Variants in HERC2 observed in about 807,000 individuals in gnomAD.
HERC2 encodes the protein HECT and RLD domain containing E3 ubiquitin protein ligase 2.
HERC2 carries 102 observed loss-of-function variants against 537.7 expected under a neutral mutation model. That is an observed-to-expected ratio of 0.19 (90% CI 0.16 to 0.22). The LOEUF is 0.22. Ranked by LOEUF, HERC2 falls within the 10% of genes least tolerant of loss-of-function variation. HERC2 has a pLI of 1.00. For synonymous variants in HERC2, 2,224 were observed against 2,466.2 expected (o/e 0.90, Z 2.91); for missense variants, 4,236 against 6,198.2 (o/e 0.68, Z 10.63).
chr15:28,193,942 T>C (rs902962488), intron 52 of HERC2, among the ~76,000 whole-genome samples: 1 of 151,962 alleles, frequency 6.6e-6, no homozygotes, highest in African/African-American at 2.4e-5. Flanking sequence ...AGAAAAACAG[T>C]ATAGATGGAA....
chr15:28,161,145 T>C (rs1313349767), intron 69 of HERC2, among the ~76,000 whole-genome samples: 1 of 152,220 alleles, frequency 6.6e-6, no homozygotes, highest in Non-Finnish European at 1.5e-5. Flanking sequence ...TCAACTCTAC[T>C]TAAGTACTTT....
intron 35 of HERC2, among the ~76,000 whole-genome samples, chr15:28,227,308 G>C (rs1446784922): frequency 6.6e-6 from 1 of 151,830 alleles, no homozygotes; most frequent in Admixed American, 6.6e-5. Context: ...AAGAGAAAGG[G>C]ACTTGAATAG....
At chr15:28,202,313 A>G in intron 46 of HERC2, 34 bp downstream of exon 46, 1 of 1,613,220 alleles carries the variant, frequency 6.2e-7, no homozygotes, top group Non-Finnish European at 8.5e-7. Flanking sequence ...GGGAACCCAC[A>G]CATACACAAG....
chr15:28,231,110 T>C (rs559905953), intron 30 of HERC2, among the ~76,000 whole-genome samples: 1 of 152,324 alleles, frequency 6.6e-6, no homozygotes, highest in East Asian at 1.9e-4. Context: ...CACTGCGATA[T>C]GTGGAATTTC....
intron 72 of HERC2, among the ~76,000 whole-genome samples, chr15:28,144,438 A>G (rs1027175566): frequency 6.6e-6 from 1 of 152,198 alleles, no homozygotes; most frequent in Non-Finnish European, 1.5e-5. Flanking sequence ...TAAGAACTGC[A>G]CCAGCAACAA....
intron 70 of HERC2, among the ~76,000 whole-genome samples, chr15:28,150,672 G>A (rs557284262): frequency 3.7e-5 from 5 of 135,754 alleles, no homozygotes; most frequent in African/African-American, 8.5e-5. Context: ...CACCAACAAC[G>A]GCCACACAGA....
intron 79 of HERC2, among the ~76,000 whole-genome samples, chr15:28,134,796 G>A (rs1192882752): frequency 6.8e-6 from 1 of 147,704 alleles, no homozygotes; most frequent in Admixed American, 6.8e-5. Flanking sequence ...TCCACCTCCC[G>A]AGAAGCTGGG....
intron 69 of HERC2, among the ~76,000 whole-genome samples, chr15:28,155,710 G>A (rs1264457586): frequency 3.9e-5 from 6 of 152,034 alleles, no homozygotes; most frequent in Non-Finnish European, 8.8e-5. Flanking sequence ...CATTCTGTAG[G>A]TTGCCTGTTC....
At chr15:28,126,724 A>G (rs902528400) in intron 83 of HERC2, among the ~76,000 whole-genome samples, 4 of 152,146 alleles carry the variant, frequency 2.6e-5, no homozygotes, top group Admixed American at 2.6e-4. Context: ...AGGGTAGGAG[A>G]GGAGTGAGGG....
At chr15:28,245,770 T>C (rs1903648856) in intron 23 of HERC2, 111 bp downstream of exon 23, 5 of 1,014,286 alleles carry the variant, frequency 4.9e-6, no homozygotes, top group Non-Finnish European at 7.4e-6. Flanking sequence ...CTACCATCAG[T>C]AGAAATGGCA....
intron 2 of HERC2, among the ~76,000 whole-genome samples, chr15:28,309,270 C>CA (rs1447049356): frequency 3.7e-4 from 56 of 152,262 alleles, no homozygotes; most frequent in African/African-American, 1.2e-3. Context: ...GTTGAAGCCT[C>CA]CATCTATTAA....
At chr15:28,128,657 G>A (rs575311138) in intron 83 of HERC2, among the ~76,000 whole-genome samples, 2 of 152,308 alleles carry the variant, frequency 1.3e-5, no homozygotes, top group South Asian at 2.1e-4. Flanking sequence ...GAAAGATGGC[G>A]CCCACGTTTT....
In HERC2 at chr15:28,280,264, G is replaced by C; in HGVS notation, c.346C>G (p.Leu116Val). 1 of 1,613,600 alleles carries C rather than the reference G, an allele frequency of 6.2e-7. No individual in the cohort carries two copies. The highest frequency in any genetic ancestry group is 8.5e-7 in the Non-Finnish European group (1 of 1,179,800). ...QPDVNELKECLSVLVKEQQAL... is the reference protein window; with the variant it reads ...QPDVNELKECVSVLVKEQQAL... The stretch of plus-strand genomic sequence containing the variant: ...TGCTGCTCTTTAACCAGCACAGAAA[G>C]ACACTCCTTCAGTTCATTCACATCT... The change falls in exon 5 of 93, where the codon CTT (leucine) becomes GTT (valine). Residue 116 changes from leucine to valine, a missense_variant. Coordinates refer to ENST00000261609, the MANE Select transcript of HERC2 (RefSeq NM_004667.6).
At position 28,177,389 on chromosome 15, in the gene HERC2, A is replaced by G; in HGVS notation, c.9254+30T>C. ...TATCAGTCAGAAACAGTTTCTTATT[A>G]GCAAATGAGACTAAAAAAAGTACCC... On this transcript the variant is annotated intron_variant, in intron 60 of 92. Coordinates refer to ENST00000261609, the MANE Select transcript of HERC2 (RefSeq NM_004667.6). This position sits in a 1 kb window ranked among gnomAD's most constrained non-coding sequence, Gnocchi z 5.0. 2 of 1,574,770 alleles carry G rather than the reference A, an allele frequency of 1.3e-6. No homozygotes were observed. The highest frequency in any genetic ancestry group is 1.7e-6 in the Non-Finnish European group (2 of 1,144,344).
chr15:28,300,358 T>C (rs1187646689), intron 2 of HERC2, among the ~76,000 whole-genome samples: 2 of 149,582 alleles, frequency 1.3e-5, no homozygotes, highest in Admixed American at 6.6e-5. Context: ...GAAAAGTATG[T>C]CAAGGGACTT....
rs1402816510 is a variant in HERC2 at position 28,182,525 on chromosome 15, A to G, written c.8826-13T>C. 5 of 1,334,482 alleles carry G rather than the reference A, an allele frequency of 3.7e-6. No homozygotes were observed. The highest frequency in any genetic ancestry group is 2.5e-5 in the East Asian group (1 of 40,682). The allele number at this position is 1,334,482 out of a possible 1,614,324, so 82.7% of individuals were successfully genotyped here. The stretch of plus-strand genomic sequence containing the variant: ...CTTTCTAATGAGGCTAACCAAACGG[A>G]AAAAAAAAAGAAAAAGAAAAGAGAG... On this transcript the variant is annotated splice_polypyrimidine_tract_variant and intron_variant, in intron 56 of 92. Coordinates refer to ENST00000261609, the MANE Select transcript of HERC2 (RefSeq NM_004667.6).
At chr15:28,318,348 C>T (rs1194084491) in intron 2 of HERC2, among the ~76,000 whole-genome samples, 3 of 152,046 alleles carry the variant, frequency 2.0e-5, no homozygotes, top group Non-Finnish European at 2.9e-5. Context: ...TTGAACAGGC[C>T]GGGCGCGGTG....
chr15:28,317,886 G>T (rs2077131150), intron 2 of HERC2, among the ~76,000 whole-genome samples: 1 of 152,182 alleles, frequency 6.6e-6, no homozygotes, highest in South Asian at 2.1e-4. Context: ...ACAACTTCCT[G>T]AGAGTCTATT....
At chr15:28,131,065 C>A (rs761229083) in intron 81 of HERC2, among the ~76,000 whole-genome samples, 1 of 152,124 alleles carries the variant, frequency 6.6e-6, no homozygotes, top group Non-Finnish European at 1.5e-5. Flanking sequence ...TGCCAGCCAA[C>A]TTTCCCTATC....
Sources: gnomAD v4.1 joint callset for allele counts (sites outside exome capture counted in the v4.1 genomes callset) on GRCh38, gnomAD v4.1.1 for gene constraint, Gnocchi (gnomAD v3.1) non-coding constraint, MANE v1.5 for transcripts, NCBI Gene and HGNC (gene_info 2026-07-23, HGNC 2026-07-21) for gene names.